MPP7: variants seen among roughly 807,000 people sequenced by gnomAD.
MPP7 encodes MAGUK p55 subfamily member 7.
Under a neutral mutation model 76.5 loss-of-function variants are expected in MPP7, and 60 were observed. That is an observed-to-expected ratio of 0.78 (90% confidence interval 0.64 to 0.97). The LOEUF (loss-of-function observed/expected upper bound fraction) is 0.97. Ranked by LOEUF, MPP7 falls within the 50% of genes least tolerant of loss-of-function variation. MPP7 has a pLI of 0.00. For missense variants in MPP7, 641 were observed against 694.0 expected (o/e 0.92, Z 0.86); for synonymous variants, 237 against 244.5 (o/e 0.97, Z 0.29).
chr10:28,116,689 T>C (rs1346550055), intron 11 of MPP7, among the ~76,000 whole-genome samples: 1 of 152,148 alleles, frequency 6.6e-6, no homozygotes, highest in African/African-American at 2.4e-5. Context: ...AGTCCTTATA[T>C]CCAGCTACTT....
chr10:28,109,592 G>T (rs1834431137), intron 11 of MPP7, among the ~76,000 whole-genome samples: 1 of 151,932 alleles, frequency 6.6e-6, no homozygotes, highest in Non-Finnish European at 1.5e-5. Flanking sequence ...TTGAGCCTGT[G>T]TAACGTGAAG....
chr10:28,302,733 G>A (rs1481912739), intron 1 of MPP7, among the ~76,000 whole-genome samples, 128 bp downstream of exon 1: 1 of 151,976 alleles, frequency 6.6e-6, no homozygotes, highest in Non-Finnish European at 1.5e-5. Flanking sequence ...GAGGCCGGCA[G>A]GAGGCTCCGG....
chr10:28,168,071 TGCTAAAAATACAAAATTTAGTCGG>T (rs1249773427), intron 3 of MPP7, among the ~76,000 whole-genome samples: 4 of 152,084 alleles, frequency 2.6e-5, no homozygotes, highest in Non-Finnish European at 4.4e-5. Context: ...ACCCCGTTTC[TGCTAAAAATACAAAATTTAGTCGG>T]GCATGGTGGC....
chr10:28,087,724 CCTTGGCTGAGGAGAAGAGG>C (rs1446788655), intron 12 of MPP7, among the ~76,000 whole-genome samples: 13 of 152,068 alleles, frequency 8.5e-5, no homozygotes, highest in Non-Finnish European at 1.9e-4. Context: ...ATGTCTTTCC[CCTTGGCTGAGGAGAAGAGG>C]CAACAGGGAC....
intron 1 of MPP7, among the ~76,000 whole-genome samples, chr10:28,262,276 TA>T (rs780947442): frequency 0.46 from 20,591 of 44,874 alleles, 5,881 homozygotes; most frequent in Non-Finnish European, 0.56. Context: ...TATATATATA[TA>T]TTTTTTTTTT....
intron 13 of MPP7, among the ~76,000 whole-genome samples, chr10:28,066,267 C>T (rs1018684359): frequency 2.0e-5 from 3 of 152,260 alleles, no homozygotes; most frequent in Non-Finnish European, 2.9e-5. Flanking sequence ...GGGTTTCAGC[C>T]ACCACTTTCT....
At chr10:28,058,802 C>T (rs1411773743) in intron 14 of MPP7, among the ~76,000 whole-genome samples, 199 bp from the exon 15 acceptor site, 1 of 152,176 alleles carries the variant, frequency 6.6e-6, no homozygotes, top group Non-Finnish European at 1.5e-5. Flanking sequence ...ATCAGTAACA[C>T]TTGCTTAAAT....
intron 12 of MPP7, among the ~76,000 whole-genome samples, chr10:28,080,665 G>A (rs1429898992): frequency 6.6e-6 from 1 of 152,200 alleles, no homozygotes; most frequent in African/African-American, 2.4e-5. Context: ...GAACAGATTT[G>A]TGGTTTATGC....
chr10:28,200,444 C>T (rs1837733247), intron 3 of MPP7, among the ~76,000 whole-genome samples: 1 of 152,162 alleles, frequency 6.6e-6, no homozygotes, highest in Non-Finnish European at 1.5e-5. Context: ...ATTCGCTCCA[C>T]TGTTTTTATG....
chr10:28,181,671 C>T lies in MPP7; in HGVS notation c.156+20482G>A, dbSNP rs139156550. 4.2e-3 allele frequency among the ~76,000 whole-genome samples: 640 copies of T among 152,312 alleles called. 4 individuals are homozygous for T. Among genetic ancestry groups the T allele is most frequent in the African/African-American group, 0.015 (603 of 41,582 alleles). ...GGCAATCTCCCTTGAACACCTACTA[C>T]GCTTTGAGGTAACGCAGAATAAACA... On this transcript the variant is annotated intron_variant, in intron 3 of 16. Coordinates refer to ENST00000683449, the MANE Select transcript of MPP7 (RefSeq NM_001318170.2).
rs550826021 is a variant in MPP7 at position 28,131,332 on chromosome 10, T to C, written c.447+228A>G. On this transcript the variant is annotated intron_variant, in intron 6 of 16. Transcript: ENST00000683449. The stretch of plus-strand genomic sequence containing the variant: ...TACATGTTACGCCTTCTTTCATAAA[T>C]GTCAACAGGTTACATTTTCAAAATC... Among the ~76,000 whole-genome samples, 19 of 152,372 alleles carry C rather than the reference T, an allele frequency of 1.2e-4. No individual in the cohort carries two copies. In the East Asian group the frequency reaches 3.5e-3, roughly 28 times the overall value.
intron 4 of MPP7, 129 bp downstream of exon 4, chr10:28,149,853 T>C: frequency 7.2e-6 from 4 of 552,134 alleles, no homozygotes. Context: ...ACAGGACTTT[T>C]GGAAACATTT....
At chr10:28,121,775 A>G (rs1221982420) in intron 8 of MPP7, among the ~76,000 whole-genome samples, 3 of 151,732 alleles carry the variant, frequency 2.0e-5, no homozygotes, top group Non-Finnish European at 4.4e-5. Flanking sequence ...GAGTCTCACT[A>G]TCTGTGGTGC....
intron 12 of MPP7, among the ~76,000 whole-genome samples, chr10:28,075,009 C>T (rs1336863272): frequency 6.6e-6 from 1 of 152,026 alleles, no homozygotes; most frequent in African/African-American, 2.4e-5. Context: ...ATGATTCTAT[C>T]CTCTGCTTGG....
At chr10:28,181,305 C>T (rs56920399) in intron 3 of MPP7, among the ~76,000 whole-genome samples, 1,908 of 152,268 alleles carry the variant, frequency 0.013, 39 homozygotes, top group African/African-American at 0.043. Context: ...AAACCGTGAT[C>T]ATCATAGAAC....
Position 28,238,579 on chromosome 10 carries a change from C to A in MPP7, c.26G>T (p.Gly9Val), listed in dbSNP as rs764082248. 2 of 1,614,088 alleles carry A rather than the reference C, an allele frequency of 1.2e-6. No individual in the cohort carries two copies. The highest frequency in any genetic ancestry group is 8.5e-7 in the Non-Finnish European group (1 of 1,179,980). ...TTGGGGTCACATACCAGTGTCACTC[C>A]CAGATCCCGTTGACAAAGCTGGCAT... MPALSTGS[G>V]SDTGLYELLA... The change falls in exon 2 of 17, where the codon GGG (glycine) becomes GTG (valine). Residue 9 changes from glycine to valine, a missense_variant. Gly to Val is a moderately radical substitution (Grantham distance 109). Coordinates refer to ENST00000683449, the MANE Select transcript of MPP7 (RefSeq NM_001318170.2).
chr10:28,257,434 T>C (rs562401743), intron 1 of MPP7, among the ~76,000 whole-genome samples: 1 of 152,156 alleles, frequency 6.6e-6, no homozygotes, highest in Non-Finnish European at 1.5e-5. Context: ...AGCTTGTTCA[T>C]GTCCTTTGTA....
chr10:28,078,757 C>T (rs1394955750), intron 12 of MPP7, among the ~76,000 whole-genome samples: 1 of 152,176 alleles, frequency 6.6e-6, no homozygotes, highest in Non-Finnish European at 1.5e-5. Flanking sequence ...AAGCATAATA[C>T]TACTTTAAAT....
At chr10:28,308,072 C>G (rs986946790) in intron 2 of MPP7, among the ~76,000 whole-genome samples, 1 of 152,196 alleles carries the variant, frequency 6.6e-6, no homozygotes, top group Admixed American at 6.5e-5. Context: ...CTGCCAGTCA[C>G]TTTATAGTCT....
Sources: gnomAD v4.1 joint callset for allele counts (sites outside exome capture counted in the v4.1 genomes callset) on GRCh38, gnomAD v4.1.1 for gene constraint, MANE v1.5 for transcripts, NCBI Gene and HGNC (gene_info 2026-07-23, HGNC 2026-07-21) for gene names.